SLCO3A1: variants seen among roughly 807,000 people sequenced by gnomAD.
SLCO3A1 encodes solute carrier organic anion transporter family member 3A1.
SLCO3A1 carries 27 observed loss-of-function variants against 63.1 expected under a neutral mutation model. The ratio of observed to expected loss-of-function variants is 0.43; its 90% confidence interval spans 0.32 to 0.59. The LOEUF (loss-of-function observed/expected upper bound fraction) is 0.59, where lower values mean the gene tolerates loss of function less well. Among genes scored for constraint, SLCO3A1 ranks in the 20% least tolerant of loss-of-function variants. The pLI is 0.09. For missense variants in SLCO3A1, 773 were observed against 945.8 expected (o/e 0.82, Z 2.40); for synonymous variants, 473 against 409.9 (o/e 1.15, Z -1.86).
At chr15:91,998,562 G>T (rs1000187077) in intron 2 of SLCO3A1, among the ~76,000 whole-genome samples, 2 of 152,084 alleles carry the variant, frequency 1.3e-5, no homozygotes, top group South Asian at 2.1e-4. Context: ...CTAATTATCA[G>T]AAAAATGCAA....
intron 2 of SLCO3A1, among the ~76,000 whole-genome samples, chr15:92,047,813 T>A (rs1028588703): frequency 2.0e-5 from 3 of 150,656 alleles, no homozygotes; most frequent in Non-Finnish European, 4.4e-5. Context: ...GGCTTGAGCC[T>A]CTTCCTGCTC....
chr15:91,991,215 C>T (rs986753529), intron 2 of SLCO3A1, among the ~76,000 whole-genome samples: 1 of 151,956 alleles, frequency 6.6e-6, no homozygotes, highest in Non-Finnish European at 1.5e-5. Context: ...ACAAAAAAAT[C>T]AAAAAATTAG....
intron 2 of SLCO3A1, among the ~76,000 whole-genome samples, chr15:91,940,644 C>T (rs1186837913): frequency 2.0e-5 from 3 of 152,202 alleles, no homozygotes; most frequent in African/African-American, 7.2e-5. Context: ...ACCCCTGACA[C>T]ACACTCACAT....
At chr15:91,861,377 C>T (rs762905570) in intron 1 of SLCO3A1, among the ~76,000 whole-genome samples, 6 of 152,152 alleles carry the variant, frequency 3.9e-5, no homozygotes, top group African/African-American at 9.7e-5. Flanking sequence ...TATTTCGGTT[C>T]TTCTTTGTGG....
chr15:91,936,619 C>A (rs750494748), intron 2 of SLCO3A1, among the ~76,000 whole-genome samples: 1 of 152,168 alleles, frequency 6.6e-6, no homozygotes, highest in Admixed American at 6.5e-5. Context: ...GCATGTCGTG[C>A]GGCTTACAGG....
At chr15:92,062,050 C>T (rs894486953) in intron 2 of SLCO3A1, among the ~76,000 whole-genome samples, 4 of 152,146 alleles carry the variant, frequency 2.6e-5, no homozygotes, top group African/African-American at 4.8e-5. Context: ...CATGTTGCCC[C>T]GGGCCCCTCC....
chr15:91,996,983 CAA>C (rs1165531285), intron 2 of SLCO3A1, among the ~76,000 whole-genome samples: 5 of 152,072 alleles, frequency 3.3e-5, no homozygotes, highest in Non-Finnish European at 7.4e-5. Flanking sequence ...AGTTAAAAGA[CAA>C]GAGAGGAAGT....
intron 4 of SLCO3A1, among the ~76,000 whole-genome samples, chr15:92,112,187 G>A (rs2047737489): frequency 6.6e-6 from 1 of 152,188 alleles, no homozygotes; most frequent in Non-Finnish European, 1.5e-5. Flanking sequence ...ATGGGGGACA[G>A]GGATGAGCAG....
intron 2 of SLCO3A1, among the ~76,000 whole-genome samples, chr15:91,964,746 T>A (rs945979027): frequency 6.9e-5 from 10 of 144,068 alleles, no homozygotes; most frequent in African/African-American, 2.7e-4. Context: ...TTAGATAGTT[T>A]TTTTTTTTTT....
At position 91,900,325 on chromosome 15, in the gene SLCO3A1, T is replaced by C. The variant is rs1456415533; in HGVS notation, c.181-15668T>C. ...GACGTGAATACTTTGTATTGTCTGTTCGTTTGTTTGTTTTTGTTTTTTGAG... is the reference window on the plus strand; with the variant it reads ...GACGTGAATACTTTGTATTGTCTGTCCGTTTGTTTGTTTTTGTTTTTTGAG... On this transcript the variant is annotated intron_variant, in intron 1 of 9. Transcript: ENST00000318445. The surrounding 1 kb of genome is among the most constrained non-coding windows in gnomAD (Gnocchi z 4.3). Among the ~76,000 whole-genome samples the C allele has an allele frequency of 6.6e-6, 1 of 152,172 alleles. No individual in the cohort carries two copies. Among genetic ancestry groups the C allele is most frequent in the Non-Finnish European group, 1.5e-5 (1 of 68,020 alleles).
chr15:92,054,370 T>C (rs2151500226), intron 2 of SLCO3A1, among the ~76,000 whole-genome samples: 1 of 152,264 alleles, frequency 6.6e-6, no homozygotes, highest in East Asian at 1.9e-4. Flanking sequence ...TTAACAGTTG[T>C]AGCACCACAG....
At chr15:92,098,483 G>C (rs1309315092) in intron 3 of SLCO3A1, among the ~76,000 whole-genome samples, 1 of 152,188 alleles carries the variant, frequency 6.6e-6, no homozygotes, top group Non-Finnish European at 1.5e-5. Context: ...TAGGTTCTTT[G>C]TTAACTGAAA....
At position 91,856,909 on chromosome 15, in the gene SLCO3A1, T is replaced by C. The variant is rs999857795; in HGVS notation, c.180+2821T>C. ...AAAATATTGCAGTTTCATTTCCTTA[T>C]TTTTTTCTGAAAAGACAAATTTCTC... is the stretch of plus-strand genomic sequence containing the variant. On this transcript the variant is annotated intron_variant, in intron 1 of 9. Transcript: ENST00000318445. The surrounding 1 kb of genome is among the most constrained non-coding windows in gnomAD (Gnocchi z 4.9). Among the ~76,000 whole-genome samples, 2 of 152,156 alleles carry C rather than the reference T, an allele frequency of 1.3e-5. No individual in the cohort carries two copies. The highest frequency in any genetic ancestry group is 2.9e-5 in the Non-Finnish European group (2 of 68,018).
rs1163921025 is a variant in SLCO3A1 at position 91,856,123 on chromosome 15, C to T, written c.180+2035C>T. ...AGGAGATAGGAGGTTGACTTTAATC[C>T]CAGAACAGGGGAATGGCAAGCAGAG... On this transcript the variant is annotated intron_variant, in intron 1 of 9. Coordinates refer to ENST00000318445, the MANE Select transcript of SLCO3A1 (RefSeq NM_013272.4). This position sits in a 1 kb window ranked among gnomAD's most constrained non-coding sequence, Gnocchi z 4.9. Among the ~76,000 whole-genome samples the T allele has an allele frequency of 1.3e-5, 2 of 151,616 alleles. No individual in the cohort carries two copies. Among genetic ancestry groups the T allele is most frequent in the Non-Finnish European group, 2.9e-5 (2 of 67,956 alleles).
In SLCO3A1 at chr15:92,126,228, G is replaced by A. The variant is rs2047921089; in HGVS notation, c.1342G>A (p.Val448Met). ...FLFLGCDTGP[V>M]AGVTVPYGNS... is the part of the protein sequence containing the mutation. ...CTTCCTGGGCTGCGACACTGGCCCT[G>A]TGGCTGGGGTTACTGTTCCCTATGG... The change falls in exon 6 of 10, where the codon GTG (valine) becomes ATG (methionine). Residue 448 changes from valine to methionine, a missense_variant. Coordinates refer to ENST00000318445, the MANE Select transcript of SLCO3A1 (RefSeq NM_013272.4). 1.9e-6 allele frequency: 3 copies of A among 1,614,060 alleles called. No individual in the cohort carries two copies. The highest frequency in any genetic ancestry group is 1.7e-6 in the Non-Finnish European group (2 of 1,180,002).
intron 2 of SLCO3A1, among the ~76,000 whole-genome samples, chr15:92,065,330 C>CACCT (rs1159177254): frequency 1.3e-5 from 2 of 152,114 alleles, no homozygotes. Context: ...TGAGGTGATC[C>CACCT]ACCTACCTCG....
chr15:92,164,817 C>T lies in SLCO3A1; in HGVS notation c.*1682C>T. On this transcript the variant is annotated 3_prime_UTR_variant, in exon 10 of 10. Coordinates refer to ENST00000318445, the MANE Select transcript of SLCO3A1 (RefSeq NM_013272.4). The stretch of plus-strand genomic sequence containing the variant: ...ACCTCTCGCAACCAGCACACTAGGC[C>T]TTCTACGGCCATTTCTGTAAGGGGA... 1.0e-6 allele frequency: 1 copy of T among 985,402 alleles called. No individual in the cohort carries two copies. Among genetic ancestry groups the T allele is most frequent in the Non-Finnish European group, 1.2e-6 (1 of 829,942 alleles). 61.0% of individuals were successfully genotyped at this position (985,402 alleles called of 1,614,324 possible). A position where few individuals can be genotyped will look rare whatever the true frequency, so the allele number is the denominator to read the frequency against.
At chr15:91,871,569 C>T (rs1897278684) in intron 1 of SLCO3A1, among the ~76,000 whole-genome samples, 1 of 152,148 alleles carries the variant, frequency 6.6e-6, no homozygotes, top group Non-Finnish European at 1.5e-5. Context: ...GGGATAACTA[C>T]TCAGGTGTTT....
Position 92,165,025 on chromosome 15 carries a change from AAAG to A in SLCO3A1, c.*1893_*1895del, listed in dbSNP as rs1348422428. ...TTGCATTTTACCCACAAGGCAAACAAAAGAATCAGGAAGTAAAAAATGGTTGGG... is the reference window on the plus strand; with the variant it reads ...TTGCATTTTACCCACAAGGCAAACAAAATCAGGAAGTAAAAAATGGTTGGG... On this transcript the variant is annotated 3_prime_UTR_variant, in exon 10 of 10. Transcript: ENST00000318445. The A allele has an allele frequency of 1.0e-6, 1 of 968,454 alleles. No homozygotes were observed. Among genetic ancestry groups the A allele is most frequent in the East Asian group, 1.1e-4 (1 of 8,748 alleles). The allele number at this position is 968,454 out of a possible 1,614,324, so 60.0% of individuals were successfully genotyped here. A position where few individuals can be genotyped will look rare whatever the true frequency, so the allele number is the denominator to read the frequency against.
Sources: allele counts gnomAD v4.1 joint callset (sites outside exome capture counted in the v4.1 genomes callset), GRCh38; gene constraint gnomAD v4.1.1; non-coding constraint Gnocchi (gnomAD v3.1); transcripts MANE v1.5; gene names NCBI Gene and HGNC (gene_info 2026-07-23, HGNC 2026-07-21).